ZBTB20: variants seen among roughly 807,000 people sequenced by gnomAD.
ZBTB20 encodes zinc finger and BTB domain-containing protein 20.
ZBTB20 carries 9 observed loss-of-function variants against 56.9 expected under a neutral mutation model. The ratio of observed to expected loss-of-function variants is 0.16; its 90% confidence interval spans 0.10 to 0.28. The LOEUF (loss-of-function observed/expected upper bound fraction) is 0.28, where lower values mean the gene tolerates loss of function less well. ZBTB20 is among the 10% of genes least tolerant of loss of function. The pLI is 1.00. For synonymous variants in ZBTB20, 417 were observed against 420.7 expected, an observed-to-expected ratio of 0.99 and a Z score of 0.11; for missense variants, 655 against 1,003.0, an observed-to-expected ratio of 0.65 and a Z score of 4.69.
chr3:115,052,950 A>C (rs959357721), intron 2 of ZBTB20, among the ~76,000 whole-genome samples: 2 of 152,198 alleles, frequency 1.3e-5, no homozygotes, highest in African/African-American at 2.4e-5. Flanking sequence ...GTTTATAGCT[A>C]ATCAAACTCT....
intron 1 of ZBTB20, among the ~76,000 whole-genome samples, chr3:115,118,262 ATAACT>A (rs990920173): frequency 6.6e-6 from 1 of 151,904 alleles, no homozygotes; most frequent in Non-Finnish European, 1.5e-5. Context: ...TTGTGTGGTA[ATAACT>A]TAACTGCAGA....
chr3:114,787,368 T>TATATACATACATAC (rs1433434685), intron 5 of ZBTB20, among the ~76,000 whole-genome samples: 6 of 106,330 alleles, frequency 5.6e-5, no homozygotes, highest in African/African-American at 2.7e-4. Context: ...TATATATATA[T>TATATACATACATAC]ACACACACAC....
At chr3:114,856,800 G>A (rs1326728214) in intron 4 of ZBTB20, among the ~76,000 whole-genome samples, 2 of 152,006 alleles carry the variant, frequency 1.3e-5, no homozygotes, top group African/African-American at 4.8e-5. Context: ...ATCTTGTCAG[G>A]GGAGAAGGTT....
At chr3:114,378,839 A>G (rs762063721) in intron 10 of ZBTB20, 1 of 152,270 alleles carries the variant, frequency 6.6e-6, no homozygotes, top group Non-Finnish European at 1.5e-5. Context: ...GGATGTGACT[A>G]TTAGGACGGT....
At position 114,753,905 on chromosome 3, in the gene ZBTB20, T is replaced by A. The variant is rs537747145; in HGVS notation, c.-343+47196A>T. On this transcript the variant is annotated intron_variant, in intron 5 of 11. Transcript: ENST00000675478. ...TCGAAAAGAAGGAAAAAGGTATAGA[T>A]GTTTCCACTGTATTTCTTATATTTT... Among the ~76,000 whole-genome samples the A allele has an allele frequency of 1.5e-4, 23 of 152,322 alleles. No homozygotes were observed. In the East Asian group the frequency reaches 3.5e-3, roughly 23 times the overall value.
At chr3:114,768,654 A>T (rs756168309) in intron 5 of ZBTB20, among the ~76,000 whole-genome samples, 100 of 152,194 alleles carry the variant, frequency 6.6e-4, no homozygotes, top group Admixed American at 1.0e-3. Context: ...TGTTTAAAAC[A>T]TAATAATGTT....
chr3:114,564,908 C>A (rs1471886559), intron 6 of ZBTB20, among the ~76,000 whole-genome samples: 1 of 152,186 alleles, frequency 6.6e-6, no homozygotes, highest in Non-Finnish European at 1.5e-5. Context: ...TTATGTCACG[C>A]CTTGCATGGG....
chr3:114,430,971 G>A (rs1011166973), intron 7 of ZBTB20, among the ~76,000 whole-genome samples: 5 of 152,170 alleles, frequency 3.3e-5, no homozygotes, highest in Non-Finnish European at 7.3e-5. Context: ...CCTAGATGTG[G>A]GGAAAGGTTG....
chr3:114,656,611 C>T (rs1372146445), intron 6 of ZBTB20, among the ~76,000 whole-genome samples: 1 of 152,138 alleles, frequency 6.6e-6, no homozygotes, highest in African/African-American at 2.4e-5. Context: ...CTTCTGCCAT[C>T]TACAATCTAT....
chr3:114,804,224 T>TA (rs11456765), intron 4 of ZBTB20, among the ~76,000 whole-genome samples: 104,137 of 151,572 alleles, frequency 0.69, 40,138 homozygotes, highest in East Asian at 0.96. Context: ...CTCTAGTCAA[T>TA]AAAAAAACAA....
chr3:114,544,411 TTCTTTC>T (rs2049494374), intron 6 of ZBTB20, among the ~76,000 whole-genome samples: 2 of 2,598 alleles, frequency 7.7e-4, no homozygotes, highest in Non-Finnish European at 1.4e-3. Context: ...GATTTCTTCT[TTCTTTC>T]TTTCTTTCTT....
At chr3:114,689,057 G>A (rs769359054) in intron 6 of ZBTB20, among the ~76,000 whole-genome samples, 14 of 152,048 alleles carry the variant, frequency 9.2e-5, no homozygotes, top group African/African-American at 2.7e-4. Flanking sequence ...GATTTCTTTC[G>A]TTAACACTTC....
chr3:114,878,333 A>G (rs909859159), intron 4 of ZBTB20, among the ~76,000 whole-genome samples: 1 of 152,212 alleles, frequency 6.6e-6, no homozygotes, highest in East Asian at 1.9e-4. Context: ...CAATGCATAC[A>G]CTTACCCTTA....
At position 114,748,350 on chromosome 3, in the gene ZBTB20, T is replaced by C. The variant is rs1421525982; in HGVS notation, c.-343+52751A>G. 6.2e-3 allele frequency among the ~76,000 whole-genome samples: 183 copies of C among 29,494 alleles called. 1 individual carries two copies. Among genetic ancestry groups the C allele is most frequent in the Non-Finnish European group, 9.8e-3 (110 of 11,218 alleles). The allele number at this position is 29,494 out of a possible 152,430, so 19.3% of individuals were successfully genotyped here. ...TCTTTCTTTCTTCTTTCTTTCTTTC[T>C]TTTCTCTCTCTCTCTCTCTCTCTCT... On this transcript the variant is annotated intron_variant, in intron 5 of 11. Coordinates refer to ENST00000675478, the MANE Select transcript of ZBTB20 (RefSeq NM_001348800.3).
intron 6 of ZBTB20, among the ~76,000 whole-genome samples, chr3:114,522,076 T>C (rs182649525): frequency 6.6e-6 from 1 of 152,260 alleles, no homozygotes; most frequent in Admixed American, 6.5e-5. Context: ...GGGGCTTATA[T>C]TCCATGGCAA....
intron 8 of ZBTB20, among the ~76,000 whole-genome samples, chr3:114,383,100 G>A (rs917553015): frequency 2.6e-5 from 4 of 152,190 alleles, no homozygotes; most frequent in Admixed American, 6.5e-5. Context: ...TATGCAGCAA[G>A]GTAGCAAAAC....
chr3:114,687,356 T>C (rs1460153005), intron 6 of ZBTB20: 1 of 151,918 alleles, frequency 6.6e-6, no homozygotes, highest in Non-Finnish European at 1.5e-5. Flanking sequence ...CAAATTCATG[T>C]ACCGGCACTA....
intron 6 of ZBTB20, among the ~76,000 whole-genome samples, chr3:114,546,720 T>G (rs907635387): frequency 2.0e-5 from 3 of 152,144 alleles, no homozygotes; most frequent in African/African-American, 7.2e-5. Flanking sequence ...CTGAAGATGT[T>G]TATAATTCTT....
chr3:114,879,851 T>A (rs2076331836), intron 4 of ZBTB20, among the ~76,000 whole-genome samples: 1 of 152,010 alleles, frequency 6.6e-6, no homozygotes, highest in Non-Finnish European at 1.5e-5. Flanking sequence ...AAGATCCACC[T>A]CCCCAATGCA....
Sources: allele counts gnomAD v4.1 joint callset (sites outside exome capture counted in the v4.1 genomes callset), GRCh38; gene constraint gnomAD v4.1.1; transcripts MANE v1.5; gene names NCBI Gene and HGNC (gene_info 2026-07-23, HGNC 2026-07-21).